ANKS1B: variants seen among roughly 807,000 people sequenced by gnomAD.
ANKS1B encodes the protein ankyrin repeat and sterile alpha motif domain containing 1B, also known as ankyrin repeat and sterile alpha motif domain-containing protein 1B.
In ANKS1B, 36 loss-of-function variants were observed where a neutral mutation model predicts 148.3. The observed-to-expected ratio is 0.24, with a 90% CI of 0.19 to 0.32. ANKS1B has a LOEUF of 0.32. Ranked by LOEUF, ANKS1B falls within the 10% of genes least tolerant of loss-of-function variation. The pLI, the probability that ANKS1B is intolerant of heterozygous loss-of-function variation, is 1.00. For missense variants in ANKS1B, 1,157 were observed against 1,542.6 expected, an observed-to-expected ratio of 0.75 and a Z score of 4.19; for synonymous variants, 542 against 560.8, an observed-to-expected ratio of 0.97 and a Z score of 0.47.
At chr12:99,001,590 A>G (rs1189162851) in intron 17 of ANKS1B, among the ~76,000 whole-genome samples, 1 of 152,142 alleles carries the variant, frequency 6.6e-6, no homozygotes, top group Non-Finnish European at 1.5e-5. Context: ...AAGTTGTGAA[A>G]TGATTACCAC....
In ANKS1B at chr12:98,926,123, T is replaced by C. The variant is rs1415330387; in HGVS notation, c.2779-93987A>G. 2.6e-5 allele frequency among the ~76,000 whole-genome samples: 4 copies of C among 152,088 alleles called. No homozygotes were observed. In the East Asian group the frequency reaches 7.7e-4, roughly 29 times the overall value. ...CTCTCATCTCTAGTTGACTTTGAGG[T>C]TCTGTGCAAGCTGGATGTGAAGGCT... On this transcript the variant is annotated intron_variant, in intron 17 of 26. Coordinates refer to ENST00000683438, the MANE Select transcript of ANKS1B (RefSeq NM_001352186.2).
intron 17 of ANKS1B, among the ~76,000 whole-genome samples, chr12:98,846,385 C>T (rs2099469741): frequency 6.6e-6 from 1 of 152,244 alleles, no homozygotes; most frequent in Non-Finnish European, 1.5e-5. Context: ...TTGTAATTTT[C>T]TCTCCCTCTT....
At chr12:99,534,804 G>A (rs868327088) in intron 9 of ANKS1B, among the ~76,000 whole-genome samples, 7 of 149,624 alleles carry the variant, frequency 4.7e-5, no homozygotes, top group Middle Eastern at 3.5e-3. Flanking sequence ...CCACCTCCCG[G>A]GTTTACCCCA....
chr12:99,303,137 A>T (rs913814856), intron 12 of ANKS1B, among the ~76,000 whole-genome samples: 2 of 152,170 alleles, frequency 1.3e-5, no homozygotes, highest in African/African-American at 2.4e-5. Context: ...CAGCCATGTG[A>T]TTAGAAATGT....
intron 12 of ANKS1B, among the ~76,000 whole-genome samples, chr12:99,290,285 GAAAAA>G (rs796594786): frequency 2.2e-5 from 2 of 88,936 alleles, no homozygotes; most frequent in Non-Finnish European, 5.4e-5. Context: ...AAGTCTCCCA[GAAAAA>G]AAAAAAAAAA....
At chr12:99,820,833 A>G (rs1188963837) in intron 2 of ANKS1B, among the ~76,000 whole-genome samples, 1 of 151,952 alleles carries the variant, frequency 6.6e-6, no homozygotes, top group African/African-American at 2.4e-5. Context: ...AATGCAGAGT[A>G]CTGGTAAAAG....
chr12:99,502,617 T>TA (rs2096666522), intron 10 of ANKS1B, among the ~76,000 whole-genome samples: 1 of 152,076 alleles, frequency 6.6e-6, no homozygotes. Flanking sequence ...TACCCCTCAT[T>TA]AACATGTAAC....
intron 10 of ANKS1B, among the ~76,000 whole-genome samples, chr12:99,462,269 C>T (rs116599031): frequency 1.4e-3 from 217 of 152,310 alleles, no homozygotes; most frequent in African/African-American, 4.7e-3. Flanking sequence ...TGACCCAAGG[C>T]CATGCCCCCT....
chr12:99,520,219 A>T (rs968654815), intron 9 of ANKS1B, among the ~76,000 whole-genome samples: 1 of 152,142 alleles, frequency 6.6e-6, no homozygotes, highest in Non-Finnish European at 1.5e-5. Flanking sequence ...CTTCTTTCAG[A>T]TTTAAGAACT....
chr12:99,532,338 G>GTTTT (rs201016379), intron 9 of ANKS1B, among the ~76,000 whole-genome samples: 8 of 152,094 alleles, frequency 5.3e-5, no homozygotes, highest in South Asian at 4.2e-4. Context: ...TACATTTAAG[G>GTTTT]TTTTTTTGTT....
chr12:99,833,977 T>C (rs2084423034), intron 1 of ANKS1B, among the ~76,000 whole-genome samples: 1 of 152,154 alleles, frequency 6.6e-6, no homozygotes, highest in Non-Finnish European at 1.5e-5. Flanking sequence ...TATATTCAAC[T>C]GCACCTATTG....
At chr12:99,443,160 G>C (rs1359443234) in intron 11 of ANKS1B, among the ~76,000 whole-genome samples, 2 of 151,928 alleles carry the variant, frequency 1.3e-5, no homozygotes, top group East Asian at 1.9e-4. Context: ...AGGATAAAGA[G>C]AGACTAGCTA....
rs1555563080 is a variant in ANKS1B at position 98,975,647 on chromosome 12, G to GT, written c.2778+77509_2778+77510insA. ...AAAGTCACAGGGAGCATTTTTGTTTGGTTTTTTTTTGTTGTTTTATATAGA... is the reference window on the plus strand; with the variant it reads ...AAAGTCACAGGGAGCATTTTTGTTTGTGTTTTTTTTTGTTGTTTTATATAGA... On this transcript the variant is annotated intron_variant, in intron 17 of 26. Coordinates refer to ENST00000683438, the MANE Select transcript of ANKS1B (RefSeq NM_001352186.2). Among the ~76,000 whole-genome samples the GT allele has an allele frequency of 1.8e-3, 269 of 151,786 alleles. 1 individual carries two copies. The Middle Eastern group carries it at 0.031, about 17-fold the overall frequency.
chr12:99,230,324 T>C (rs2086634790), intron 14 of ANKS1B, among the ~76,000 whole-genome samples: 1 of 152,110 alleles, frequency 6.6e-6, no homozygotes, highest in South Asian at 2.1e-4. Flanking sequence ...CTTATCATCA[T>C]GGGAAGTATG....
intron 8 of ANKS1B, among the ~76,000 whole-genome samples, chr12:99,764,099 T>A (rs1414817285): frequency 6.6e-6 from 1 of 152,222 alleles, no homozygotes; most frequent in Non-Finnish European, 1.5e-5. Flanking sequence ...AAATACAGGT[T>A]ATCAAACAGA....
In ANKS1B at chr12:99,577,350, G is replaced by A. The variant is rs541932888; in HGVS notation, c.1273-72709C>T. Among the ~76,000 whole-genome samples, 20 of 149,904 alleles carry A rather than the reference G, an allele frequency of 1.3e-4. 1 individual carries two copies. The highest frequency in any genetic ancestry group is 3.3e-4 in the Admixed American group (5 of 15,070). ...AAATAAATAAAAGCAAACCAACCCCGATGCTAGCAGAAGAAAAAAAATAAA... is the reference window on the plus strand; with the variant it reads ...AAATAAATAAAAGCAAACCAACCCCAATGCTAGCAGAAGAAAAAAAATAAA... On this transcript the variant is annotated intron_variant, in intron 9 of 26. Coordinates refer to ENST00000683438, the MANE Select transcript of ANKS1B (RefSeq NM_001352186.2).
At chr12:99,237,771 T>A (rs1249914360) in intron 14 of ANKS1B, among the ~76,000 whole-genome samples, 1 of 152,204 alleles carries the variant, frequency 6.6e-6, no homozygotes. Flanking sequence ...TTCGTGTGTG[T>A]GCATGTGTGT....
chr12:98,771,386 G>A lies in ANKS1B; in HGVS notation c.3579+1656C>T, dbSNP rs187066483. Among the ~76,000 whole-genome samples, 4 of 151,518 alleles carry A rather than the reference G, an allele frequency of 2.6e-5. No homozygotes were observed. In the East Asian group the frequency reaches 7.8e-4, roughly 29 times the overall value. On this transcript the variant is annotated intron_variant, in intron 25 of 26. Coordinates refer to ENST00000683438, the MANE Select transcript of ANKS1B (RefSeq NM_001352186.2). ...AAAGTCTCACTATGTTGCACAGGCT[G>A]GTCTTGAACTCCTGAACTCAAGTGG... is the stretch of plus-strand genomic sequence containing the variant.
chr12:99,581,398 A>G (rs2097568205), intron 9 of ANKS1B, among the ~76,000 whole-genome samples: 1 of 152,226 alleles, frequency 6.6e-6, no homozygotes, highest in South Asian at 2.1e-4. Flanking sequence ...TATATAAAAA[A>G]GTAACTTAAA....
Sources: gnomAD v4.1 joint callset for allele counts (sites outside exome capture counted in the v4.1 genomes callset) on GRCh38, gnomAD v4.1.1 for gene constraint, MANE v1.5 for transcripts, NCBI Gene and HGNC (gene_info 2026-07-23, HGNC 2026-07-21) for gene names.